The following MRTFB variants were observed in gnomAD, a reference collection of about 807,000 sequenced individuals.
MRTFB encodes the protein myocardin related transcription factor B, also known as myocardin-related transcription factor B.
In MRTFB, 29 loss-of-function variants were observed where a neutral mutation model predicts 104.2. The ratio of observed to expected loss-of-function variants is 0.28; its 90% confidence interval spans 0.21 to 0.38. The LOEUF (loss-of-function observed/expected upper bound fraction) is 0.38, where lower values mean the gene tolerates loss of function less well. MRTFB is among the 10% of genes least tolerant of loss of function. The pLI, the probability that MRTFB is intolerant of heterozygous loss-of-function variation, is 1.00. For synonymous variants in MRTFB, 535 were observed against 519.5 expected, an observed-to-expected ratio of 1.03 and a Z score of -0.41; for missense variants, 1,270 against 1,341.6, an observed-to-expected ratio of 0.95 and a Z score of 0.83.
chr16:14,191,589 C>T (rs930027395), intron 3 of MRTFB, among the ~76,000 whole-genome samples: 1 of 152,158 alleles, frequency 6.6e-6, no homozygotes, highest in African/African-American at 2.4e-5. Context: ...TCCCCCAATA[C>T]CCTGCATCTC....
chr16:14,016,387 G>T, the MRTFB span, among the ~76,000 whole-genome samples: 1 of 151,322 alleles, frequency 6.6e-6, no homozygotes, highest in African/African-American at 2.4e-5. Flanking sequence ...TTTTAGGTGG[G>T]TCCCACTCAA....
intron 3 of MRTFB, among the ~76,000 whole-genome samples, chr16:14,187,208 T>G (rs28760341): frequency 0.12 from 18,218 of 152,238 alleles, 2,562 homozygotes; most frequent in African/African-American, 0.34. Flanking sequence ...TAGCTGTTAC[T>G]AAAGATTCAT....
intron 2 of MRTFB, among the ~76,000 whole-genome samples, chr16:14,100,996 A>T (rs2035665574): frequency 6.6e-6 from 1 of 152,084 alleles, no homozygotes; most frequent in Admixed American, 6.5e-5. Flanking sequence ...TTACCTTCTC[A>T]AAGAACCAGC....
chr16:14,222,403 A>G (rs966441590), intron 8 of MRTFB, among the ~76,000 whole-genome samples: 1 of 152,060 alleles, frequency 6.6e-6, no homozygotes, highest in East Asian at 1.9e-4. Flanking sequence ...TTCTTAAAAC[A>G]TTATGAGTTT....
At chr16:14,007,135 T>C in the MRTFB span, among the ~76,000 whole-genome samples, 1 of 152,242 alleles carries the variant, frequency 6.6e-6, no homozygotes, top group Non-Finnish European at 1.5e-5. Context: ...AGAGTTGTAC[T>C]GCCATCACTA....
intron 4 of MRTFB, among the ~76,000 whole-genome samples, chr16:14,211,433 C>T (rs2041185758): frequency 6.6e-6 from 1 of 152,072 alleles, no homozygotes; most frequent in African/African-American, 2.4e-5. Context: ...GCTTCATGTG[C>T]CAGAGCTGAA....
intron 15 of MRTFB, among the ~76,000 whole-genome samples, chr16:14,257,691 G>T (rs1052155903): frequency 1.3e-5 from 2 of 152,100 alleles, no homozygotes; most frequent in Admixed American, 6.5e-5. Context: ...ATATCAAATT[G>T]TATACTTTAC....
upstream of MRTFB, among the ~76,000 whole-genome samples, chr16:14,068,966 T>G (rs2033549370): frequency 9.1e-6 from 1 of 109,716 alleles, no homozygotes; most frequent in African/African-American, 6.1e-5. Context: ...TCTCCAGCTT[T>G]TTTTTTTTTT....
chr16:14,235,361 G>A (rs565724161), intron 9 of MRTFB, among the ~76,000 whole-genome samples: 3 of 152,240 alleles, frequency 2.0e-5, no homozygotes, highest in Admixed American at 6.5e-5. Flanking sequence ...CCATCCCCAT[G>A]AAATCAGTTT....
chr16:14,181,692 G>A (rs1024586713), intron 3 of MRTFB, among the ~76,000 whole-genome samples: 4 of 152,212 alleles, frequency 2.6e-5, no homozygotes, highest in African/African-American at 7.2e-5. Flanking sequence ...GAAATATTAC[G>A]AGGTTTTTTT....
the MRTFB span, among the ~76,000 whole-genome samples, chr16:14,058,453 A>C: frequency 6.6e-6 from 1 of 151,646 alleles, no homozygotes; most frequent in South Asian, 2.1e-4. Context: ...AATGTACCCA[A>C]GTTTGTTGTA....
chr16:14,176,837 A>G (rs1488120854), intron 3 of MRTFB, among the ~76,000 whole-genome samples: 1 of 152,260 alleles, frequency 6.6e-6, no homozygotes, highest in Non-Finnish European at 1.5e-5. Context: ...AACAACTAGC[A>G]TCATCATCAT....
chr16:14,053,271 A>ATATCCATT, the MRTFB span, among the ~76,000 whole-genome samples: 1 of 152,090 alleles, frequency 6.6e-6, no homozygotes, highest in East Asian at 1.9e-4. Flanking sequence ...GATATATGTA[A>ATATCCATT]TATCCATTTA....
the MRTFB span, among the ~76,000 whole-genome samples, chr16:14,052,542 CA>C: frequency 1.3e-5 from 2 of 151,914 alleles, no homozygotes. Flanking sequence ...AGTTTGAGAC[CA>C]ACCTGACCAA....
chr16:14,018,911 C>A, the MRTFB span: 2 of 152,096 alleles, frequency 1.3e-5, no homozygotes, highest in Non-Finnish European at 2.9e-5. Context: ...TTACCTGGCC[C>A]CTGTGGGCAT....
At chr16:14,046,793 G>C in the MRTFB span, among the ~76,000 whole-genome samples, 2 of 152,168 alleles carry the variant, frequency 1.3e-5, no homozygotes, top group Admixed American at 1.3e-4. Context: ...ACACAGAGAA[G>C]GAATCCTTTC....
At chr16:14,041,882 C>T in the MRTFB span, among the ~76,000 whole-genome samples, 6 of 151,992 alleles carry the variant, frequency 3.9e-5, no homozygotes, top group East Asian at 3.9e-4. Context: ...GCCAAGATTG[C>T]GCCATTGCAC....
intron 2 of MRTFB, among the ~76,000 whole-genome samples, chr16:14,102,897 C>T (rs1237835113): frequency 6.6e-6 from 1 of 152,150 alleles, no homozygotes; most frequent in Non-Finnish European, 1.5e-5. Flanking sequence ...GTTGCATTAG[C>T]TTTAAGGTGA....
At chr16:14,173,143 G>T (rs950165263) in intron 3 of MRTFB, among the ~76,000 whole-genome samples, 2 of 151,874 alleles carry the variant, frequency 1.3e-5, no homozygotes, top group Non-Finnish European at 2.9e-5. Flanking sequence ...TTCTGGTTAG[G>T]CCTCTCCCTC....
Sources: gnomAD v4.1 joint callset for allele counts (sites outside exome capture counted in the v4.1 genomes callset) on GRCh38, gnomAD v4.1.1 for gene constraint, MANE v1.5 for transcripts, NCBI Gene and HGNC (gene_info 2026-07-23, HGNC 2026-07-21) for gene names.